The following ALLC variants were observed in gnomAD, a reference collection of about 807,000 sequenced individuals.
ALLC encodes the protein allantoicase.
In ALLC, 40 loss-of-function variants were observed where a neutral mutation model predicts 45.0. That is an observed-to-expected ratio of 0.89 (90% CI 0.69 to 1.16). The LOEUF (loss-of-function observed/expected upper bound fraction) is 1.16, where lower values mean the gene tolerates loss of function less well. Among genes scored for constraint, ALLC ranks in the 50% most tolerant of loss-of-function variants. The probability of loss-of-function intolerance (pLI) is 0.00; values close to 1 mark genes in which losing one functional copy is unlikely to be tolerated. For synonymous variants in ALLC, 176 were observed against 178.1 expected, an observed-to-expected ratio of 0.99 and a Z score of 0.09; for missense variants, 488 against 493.1, an observed-to-expected ratio of 0.99 and a Z score of 0.10.
Position 3,683,067 on chromosome 2 carries a change from T to C in ALLC, c.504T>C (p.Ile168=). ...QQRWTHIRLN[I]FPDGGIARLR... Reference sequence around the variant, plus strand: ...GATGGACTCATATCAGACTCAACATTTTCCCAGGTAATCGTGACATGGACT... The same window carrying C: ...GATGGACTCATATCAGACTCAACATCTTCCCAGGTAATCGTGACATGGACT... The change falls in exon 7 of 12, where the codon ATT becomes ATC. Residue 168 remains isoleucine (I), a synonymous_variant. Transcript: ENST00000252505. The C allele has an allele frequency of 6.2e-7, 1 of 1,613,324 alleles. No individual in the cohort carries two copies. Among genetic ancestry groups the C allele is most frequent in the South Asian group, 1.1e-5 (1 of 90,824 alleles).
chr2:3,666,931 TGTG>T (rs1211185635), intron 1 of ALLC, among the ~76,000 whole-genome samples: 7 of 152,184 alleles, frequency 4.6e-5, no homozygotes, highest in African/African-American at 7.2e-5. Flanking sequence ...GCACACAAAA[TGTG>T]GTCAGAACAA....
chr2:3,650,936 C>G, the ALLC span, among the ~76,000 whole-genome samples: 1 of 152,164 alleles, frequency 6.6e-6, no homozygotes, highest in South Asian at 2.1e-4. Context: ...GAACCATTAC[C>G]CTGATTTTAT....
At chr2:3,689,619 C>T (rs557029897) in intron 7 of ALLC, among the ~76,000 whole-genome samples, 1 of 150,902 alleles carries the variant, frequency 6.6e-6, no homozygotes, top group South Asian at 2.1e-4. Context: ...TGCTTTATGG[C>T]CCAAGACATG....
chr2:3,651,757 G>A, the ALLC span, among the ~76,000 whole-genome samples: 2 of 152,108 alleles, frequency 1.3e-5, no homozygotes, highest in South Asian at 2.1e-4. Context: ...TTCTTCAGGG[G>A]CAGGACGAGA....
intron 4 of ALLC, among the ~76,000 whole-genome samples, chr2:3,678,771 A>G (rs1667095745): frequency 6.6e-6 from 1 of 152,222 alleles, no homozygotes; most frequent in Non-Finnish European, 1.5e-5. Context: ...AAAGGGTGAG[A>G]AGCACGTTGT....
chr2:3,692,198 A>C (rs1178962905), intron 7 of ALLC, among the ~76,000 whole-genome samples: 1 of 152,050 alleles, frequency 6.6e-6, no homozygotes, highest in Non-Finnish European at 1.5e-5. Context: ...TTGAAGCATT[A>C]GTTATTTATT....
upstream of ALLC, among the ~76,000 whole-genome samples, chr2:3,655,728 G>A (rs901856767): frequency 1.3e-5 from 2 of 152,218 alleles, no homozygotes; most frequent in Non-Finnish European, 2.9e-5. Flanking sequence ...CCGAAGTGCT[G>A]GGATTATAAG....
At chr2:3,697,621 G>GTCTA (rs201211524) in intron 10 of ALLC, among the ~76,000 whole-genome samples, 165 bp downstream of exon 10, 14,894 of 125,290 alleles carry the variant, frequency 0.12, 898 homozygotes, top group South Asian at 0.16. Flanking sequence ...CTGTCTGTCT[G>GTCTA]TCTATCTATC....
In ALLC at chr2:3,701,554, C is replaced by T; in HGVS notation, c.893C>T (p.Thr298Ile). Reference sequence around the variant, plus strand: ...TGTAAAGTGGATGGGTGCATCCTGACAACTCAGGAAGAAGAAGCCGTGATC... The same window carrying T: ...TGTAAAGTGGATGGGTGCATCCTGATAACTCAGGAAGAAGAAGCCGTGATC... ...DSCKVDGCIL[T>I]TQEEEAVIRQ... Residue 298 changes from threonine (T) to isoleucine (I), a missense_variant, in exon 11 of 12, where the codon ACA (threonine) becomes ATA (isoleucine). Physicochemically the swap from Thr to Ile is moderately conservative, Grantham distance 89 (BLOSUM62 -1). Coordinates refer to ENST00000252505, the MANE Select transcript of ALLC (RefSeq NM_018436.4). The T allele has an allele frequency of 6.4e-7, 1 of 1,571,862 alleles. No homozygotes were observed. The highest frequency in any genetic ancestry group is 8.6e-7 in the Non-Finnish European group (1 of 1,163,890).
chr2:3,670,355 G>A (rs114627671), intron 1 of ALLC, among the ~76,000 whole-genome samples: 3,703 of 152,306 alleles, frequency 0.024, 119 homozygotes, highest in African/African-American at 0.07. Context: ...GAGGGGTAGA[G>A]AAAAGGGCTA....
upstream of ALLC, among the ~76,000 whole-genome samples, chr2:3,657,438 C>T (rs926430181): frequency 5.3e-5 from 8 of 151,048 alleles, no homozygotes; most frequent in African/African-American, 9.7e-5. Flanking sequence ...GGCCCCTGTG[C>T]GCGCCATCTG....
Position 3,680,130 on chromosome 2 carries a change from A to G in ALLC, c.298+136A>G, listed in dbSNP as rs1667137853. 8.0e-7 allele frequency: 1 copy of G among 1,248,184 alleles called. No individual in the cohort carries two copies. Among genetic ancestry groups the G allele is most frequent in the Non-Finnish European group, 1.1e-6 (1 of 891,028 alleles). 77.3% of individuals were successfully genotyped at this position (1,248,184 alleles called of 1,614,324 possible). A position where few individuals can be genotyped will look rare whatever the true frequency, so the allele number is the denominator to read the frequency against. On this transcript the variant is annotated intron_variant, in intron 5 of 11. Transcript: ENST00000252505. This position sits in a 1 kb window ranked among gnomAD's most constrained non-coding sequence, Gnocchi z 4.0. ...CGCTTGACTAAGGCTACTTTACTGT[A>G]ACGGGGCTGTAGGACCAGGACTCCT...
chr2:3,663,644 T>C (rs1666628594), intron 1 of ALLC, among the ~76,000 whole-genome samples: 1 of 152,122 alleles, frequency 6.6e-6, no homozygotes, highest in South Asian at 2.1e-4. Flanking sequence ...AGGTCTTCAA[T>C]GGTAAGTAGC....
intron 7 of ALLC, chr2:3,688,956 A>T: frequency 5.8e-6 from 1 of 172,004 alleles, no homozygotes; most frequent in South Asian, 1.6e-4. Context: ...AATGTGGCCA[A>T]ATTTGTTTAC....
At chr2:3,657,509 C>A (rs1339889614), upstream of ALLC, among the ~76,000 whole-genome samples, 4 of 152,082 alleles carry the variant, frequency 2.6e-5, no homozygotes, top group Admixed American at 2.0e-4. Context: ...GGGTGGCTTT[C>A]CTGCCTTCAA....
chr2:3,702,374 C>T lies in ALLC; in HGVS notation c.987C>T (p.Asn329=), dbSNP rs377763532. The change falls in exon 12 of 12, where the codon AAC becomes AAT. Residue 329 remains asparagine, a synonymous_variant. Coordinates refer to ENST00000252505, the MANE Select transcript of ALLC (RefSeq NM_018436.4). Reference sequence around the variant, plus strand: ...TGCTTGCTTTTCAGTTGTCTCCCAACCAAAGTCATCTGTTCGATAGCCTGA... The same window carrying T: ...TGCTTGCTTTTCAGTTGTCTCCCAATCAAAGTCATCTGTTCGATAGCCTGA... The part of the protein sequence containing the change: ...PLLPVTKLSP[N]QSHLFDSLTL... 8 of 1,613,126 alleles carry T rather than the reference C, an allele frequency of 5.0e-6. No individual in the cohort carries two copies. The highest frequency in any genetic ancestry group is 4.2e-6 in the Non-Finnish European group (5 of 1,179,752).
At chr2:3,702,143 GC>G (rs771166407) in intron 11 of ALLC, among the ~76,000 whole-genome samples, 7 of 152,074 alleles carry the variant, frequency 4.6e-5, no homozygotes, top group Non-Finnish European at 8.8e-5. Context: ...CATTTAGGTT[GC>G]CCATCAATTG....
intron 1 of ALLC, among the ~76,000 whole-genome samples, chr2:3,661,853 A>T (rs1315133962): frequency 3.3e-5 from 5 of 152,166 alleles, no homozygotes; most frequent in Admixed American, 3.3e-4. Flanking sequence ...AGGTAGGCTC[A>T]TTGGATCCCT....
At chr2:3,656,904 G>A (rs771101630), upstream of ALLC, among the ~76,000 whole-genome samples, 2 of 152,046 alleles carry the variant, frequency 1.3e-5, no homozygotes, top group Admixed American at 1.3e-4. Context: ...TAGGCTTAGC[G>A]AAACCACGAG....
Sources: gnomAD v4.1 joint callset for allele counts (sites outside exome capture counted in the v4.1 genomes callset) on GRCh38, gnomAD v4.1.1 for gene constraint, Gnocchi (gnomAD v3.1) non-coding constraint, MANE v1.5 for transcripts, NCBI Gene and HGNC (gene_info 2026-07-23, HGNC 2026-07-21) for gene names.